Variants in LINC00305 observed in about 807,000 individuals in gnomAD.
The protein encoded by LINC00305 is long independently transcribed non-coding RNA 305, also known as long intergenic non-protein coding RNA 305.
chr18:64,112,356 T>A (rs1020374058), intron 1 of LINC00305, among the ~76,000 whole-genome samples: 27 of 138,630 alleles, frequency 1.9e-4, no homozygotes, highest in Non-Finnish European at 4.2e-4. Flanking sequence ...AAAAAAAAAA[T>A]CCTACCTTGT....
intron 1 of LINC00305, among the ~76,000 whole-genome samples, chr18:64,099,475 C>G (rs2051259827): frequency 6.6e-6 from 1 of 152,134 alleles, no homozygotes; most frequent in Non-Finnish European, 1.5e-5. Context: ...GCTGCTGAGG[C>G]AGGGTTGGAC....
At chr18:64,116,217 A>T (rs550470112) in intron 1 of LINC00305, among the ~76,000 whole-genome samples, 2 of 152,326 alleles carry the variant, frequency 1.3e-5, no homozygotes, top group Admixed American at 1.3e-4. Context: ...AGTAACAAAA[A>T]GTGGGTCTCA....
intron 1 of LINC00305, among the ~76,000 whole-genome samples, chr18:64,101,429 G>C (rs189528278): frequency 6.6e-6 from 1 of 152,250 alleles, no homozygotes; most frequent in Admixed American, 6.5e-5. Flanking sequence ...CTAGCTTCTG[G>C]TGGTTGCTGG....
intron 3 of LINC00305, among the ~76,000 whole-genome samples, chr18:64,092,699 G>A (rs979751221): frequency 4.6e-5 from 7 of 152,154 alleles, no homozygotes; most frequent in African/African-American, 1.7e-4. Flanking sequence ...CTTCCCCAAG[G>A]GCCCAGTGAA....
At chr18:64,088,698 A>T (rs2051213550) in intron 3 of LINC00305, among the ~76,000 whole-genome samples, 1 of 152,184 alleles carries the variant, frequency 6.6e-6, no homozygotes, top group African/African-American at 2.4e-5. Flanking sequence ...TTCTATCTTC[A>T]GTGTCATGCC....
At chr18:64,136,265 T>A (rs2051433438) in intron 1 of LINC00305, among the ~76,000 whole-genome samples, 1 of 152,198 alleles carries the variant, frequency 6.6e-6, no homozygotes, top group East Asian at 1.9e-4. Context: ...TTTTCCACAC[T>A]GGAAAAATCT....
chr18:64,107,751 T>C (rs191725682), intron 1 of LINC00305, among the ~76,000 whole-genome samples: 7 of 152,304 alleles, frequency 4.6e-5, no homozygotes, highest in African/African-American at 7.2e-5. Context: ...GTGGTCAATG[T>C]ATCTTATAGG....
chr18:64,081,021 G>C (rs763529387), intron 3 of LINC00305, among the ~76,000 whole-genome samples: 2 of 152,210 alleles, frequency 1.3e-5, no homozygotes, highest in Non-Finnish European at 2.9e-5. Context: ...GTGTGTGTCT[G>C]TGTGTTTAAG....
At chr18:64,085,354 A>C (rs2051199319) in intron 3 of LINC00305, among the ~76,000 whole-genome samples, 1 of 152,110 alleles carries the variant, frequency 6.6e-6, no homozygotes, top group African/African-American at 2.4e-5. Context: ...TTTGAACTTC[A>C]TGCTAAAATG....
chr18:64,130,429 A>G (rs1446783655), intron 1 of LINC00305, among the ~76,000 whole-genome samples: 4 of 152,164 alleles, frequency 2.6e-5, no homozygotes, highest in African/African-American at 9.7e-5. Flanking sequence ...AATAATCATT[A>G]TCATCCACCT....
chr18:64,088,156 A>T (rs563347589), intron 3 of LINC00305, among the ~76,000 whole-genome samples: 1 of 152,094 alleles, frequency 6.6e-6, no homozygotes, highest in South Asian at 2.1e-4. Context: ...AAAAAAAAAG[A>T]AAGTCAGAGA....
chr18:64,118,052 T>C (rs1402953175), intron 1 of LINC00305, among the ~76,000 whole-genome samples: 1 of 152,130 alleles, frequency 6.6e-6, no homozygotes, highest in Non-Finnish European at 1.5e-5. Flanking sequence ...GATCCTTGAG[T>C]TCTCCAGGCT....
At chr18:64,109,377 A>G (rs2051305366) in intron 1 of LINC00305, among the ~76,000 whole-genome samples, 1 of 152,226 alleles carries the variant, frequency 6.6e-6, no homozygotes, top group Admixed American at 6.5e-5. Flanking sequence ...CTTACTGATC[A>G]GGACAGCTTT....
chr18:64,139,944 T>C lies in LINC00305; in HGVS notation n.314+8831A>G, dbSNP rs1216955164. Among the ~76,000 whole-genome samples, 3 of 152,214 alleles carry C rather than the reference T, an allele frequency of 2.0e-5. No homozygotes were observed. In the East Asian group the frequency reaches 5.8e-4, roughly 29 times the overall value. On this transcript the variant is annotated intron_variant and non_coding_transcript_variant, in intron 1 of 3. Transcript: ENST00000666468. Reference sequence around the variant, plus strand: ...GACCCTCACATCATGACCCAAAGCCTCCATCCTCCCTCTTGCCCTCTTTCA... The same window carrying C: ...GACCCTCACATCATGACCCAAAGCCCCCATCCTCCCTCTTGCCCTCTTTCA...
chr18:64,124,413 C>G (rs894855333), intron 1 of LINC00305, among the ~76,000 whole-genome samples: 9 of 152,110 alleles, frequency 5.9e-5, no homozygotes, highest in Non-Finnish European at 2.9e-5. Context: ...TCTGTCATGG[C>G]ACTAATCACC....
chr18:64,099,674 A>C (rs1353603962), intron 1 of LINC00305, among the ~76,000 whole-genome samples: 1 of 152,182 alleles, frequency 6.6e-6, no homozygotes, highest in Non-Finnish European at 1.5e-5. Flanking sequence ...ACTGAGTGCA[A>C]ACAGTTGGTT....
At chr18:64,111,689 G>C (rs1205468132) in intron 1 of LINC00305, among the ~76,000 whole-genome samples, 1 of 152,156 alleles carries the variant, frequency 6.6e-6, no homozygotes, top group Non-Finnish European at 1.5e-5. Context: ...GAACCAGGTG[G>C]TGGATGGCTG....
chr18:64,090,172 T>G (rs1373077653), intron 3 of LINC00305, among the ~76,000 whole-genome samples: 1 of 152,194 alleles, frequency 6.6e-6, no homozygotes, highest in African/African-American at 2.4e-5. Context: ...CCAATATCAC[T>G]AAGTGTTTGG....
intron 3 of LINC00305, among the ~76,000 whole-genome samples, chr18:64,094,202 G>A (rs1033039876): frequency 5.3e-5 from 8 of 152,204 alleles, no homozygotes; most frequent in African/African-American, 1.9e-4. Flanking sequence ...AGGGAAAAGA[G>A]TCAATCATCT....
Sources: allele counts gnomAD v4.1 joint callset (sites outside exome capture counted in the v4.1 genomes callset), GRCh38; gene constraint gnomAD v4.1.1; transcripts MANE v1.5; gene names NCBI Gene and HGNC (gene_info 2026-07-23, HGNC 2026-07-21).